GMDS: variants seen among roughly 807,000 people sequenced by gnomAD.
GMDS encodes the protein GDP-mannose 4,6-dehydratase, also known as GDP-mannose 4,6 dehydratase.
GMDS carries 20 observed loss-of-function variants against 49.9 expected under a neutral mutation model. That is an observed-to-expected ratio of 0.40 (90% CI 0.28 to 0.58). The LOEUF (loss-of-function observed/expected upper bound fraction) is 0.58. Ranked by LOEUF, GMDS falls within the 20% of genes least tolerant of loss-of-function variation. The probability of loss-of-function intolerance (pLI) is 0.42; values close to 1 mark genes in which losing one functional copy is unlikely to be tolerated. For synonymous variants in GMDS, 177 were observed against 178.6 expected, an observed-to-expected ratio of 0.99 and a Z score of 0.07; for missense variants, 362 against 481.4, an observed-to-expected ratio of 0.75 and a Z score of 2.32.
chr6:1,985,341 T>C (rs2127352936), intron 4 of GMDS, among the ~76,000 whole-genome samples: 1 of 152,106 alleles, frequency 6.6e-6, no homozygotes, highest in Non-Finnish European at 1.5e-5. Flanking sequence ...GGGATAAGAA[T>C]ACAAGAGGGG....
intron 9 of GMDS, among the ~76,000 whole-genome samples, chr6:1,701,459 C>G (rs115695572): frequency 1.3e-5 from 2 of 152,114 alleles, no homozygotes; most frequent in Non-Finnish European, 1.5e-5. Context: ...ACACATGACC[C>G]GCATCTACTC....
intron 9 of GMDS, among the ~76,000 whole-genome samples, chr6:1,678,413 A>G (rs1268143459): frequency 6.6e-6 from 1 of 152,070 alleles, no homozygotes; most frequent in African/African-American, 2.4e-5. Context: ...TCGATCTCTC[A>G]GATTTGAGCA....
intron 9 of GMDS, among the ~76,000 whole-genome samples, chr6:1,677,652 T>C (rs1303250836): frequency 2.6e-5 from 4 of 151,870 alleles, no homozygotes; most frequent in African/African-American, 9.7e-5. Context: ...TGCAGGGACA[T>C]GGATGAAGCT....
intron 8 of GMDS, among the ~76,000 whole-genome samples, chr6:1,740,228 G>A (rs1581531992): frequency 6.6e-6 from 1 of 152,290 alleles, no homozygotes; most frequent in East Asian, 1.9e-4. Context: ...AATGAGAGTG[G>A]CAGATATTAA....
intron 7 of GMDS, among the ~76,000 whole-genome samples, chr6:1,846,200 C>T (rs1057019091): frequency 6.6e-6 from 1 of 151,746 alleles, no homozygotes; most frequent in African/African-American, 2.4e-5. Context: ...TCAAGTGATC[C>T]TCCCACCACA....
At chr6:1,842,315 T>C (rs1757183995) in intron 7 of GMDS, among the ~76,000 whole-genome samples, 1 of 152,220 alleles carries the variant, frequency 6.6e-6, no homozygotes, top group African/African-American at 2.4e-5. Flanking sequence ...CTTGCCCTTA[T>C]GCATCAGGGA....
At chr6:1,953,649 T>C (rs533657045) in intron 6 of GMDS, among the ~76,000 whole-genome samples, 1 of 152,326 alleles carries the variant, frequency 6.6e-6, no homozygotes, top group Non-Finnish European at 1.5e-5. Flanking sequence ...TAGTTATTCT[T>C]CTTATTTACC....
intron 7 of GMDS, among the ~76,000 whole-genome samples, chr6:1,790,038 T>C (rs559837123): frequency 6.6e-6 from 1 of 152,232 alleles, no homozygotes; most frequent in African/African-American, 2.4e-5. Context: ...CCTAAATATA[T>C]GACATTGCAT....
At chr6:1,838,287 G>C (rs1360824975) in intron 7 of GMDS, among the ~76,000 whole-genome samples, 1 of 152,168 alleles carries the variant, frequency 6.6e-6, no homozygotes, top group Non-Finnish European at 1.5e-5. Context: ...AGAGCTCTTG[G>C]CTCCAGACTT....
At chr6:2,058,761 G>A (rs183724891) in intron 4 of GMDS, among the ~76,000 whole-genome samples, 1 of 152,310 alleles carries the variant, frequency 6.6e-6, no homozygotes, top group East Asian at 1.9e-4. Flanking sequence ...AGCGACGGCT[G>A]CGAAGGAGAT....
At chr6:1,671,680 T>C (rs1021124903) in intron 9 of GMDS, among the ~76,000 whole-genome samples, 1 of 151,242 alleles carries the variant, frequency 6.6e-6, no homozygotes, top group African/African-American at 2.4e-5. Context: ...TTTTTTTTTT[T>C]TTTGAGACGG....
intron 9 of GMDS, among the ~76,000 whole-genome samples, chr6:1,690,106 A>G (rs995940260): frequency 6.6e-6 from 1 of 152,182 alleles, no homozygotes; most frequent in South Asian, 2.1e-4. Context: ...CCTTGTCTCA[A>G]GAATAACAAT....
At chr6:1,749,703 C>A (rs1349647673) in intron 7 of GMDS, among the ~76,000 whole-genome samples, 1 of 152,238 alleles carries the variant, frequency 6.6e-6, no homozygotes, top group Non-Finnish European at 1.5e-5. Context: ...CTGCTTCTCT[C>A]TAATAGGTAA....
chr6:2,217,680 A>T (rs1780403460), intron 1 of GMDS, among the ~76,000 whole-genome samples: 1 of 152,186 alleles, frequency 6.6e-6, no homozygotes, highest in Admixed American at 6.5e-5. Flanking sequence ...CCTGGTATAT[A>T]TAAGCACTCA....
At chr6:1,870,987 G>A (rs2113802656) in intron 7 of GMDS, among the ~76,000 whole-genome samples, 1 of 151,998 alleles carries the variant, frequency 6.6e-6, no homozygotes, top group South Asian at 2.1e-4. Context: ...GGTTTGGGTG[G>A]CTTCCGCTAA....
At chr6:1,975,605 T>C (rs534205385) in intron 4 of GMDS, among the ~76,000 whole-genome samples, 2 of 152,188 alleles carry the variant, frequency 1.3e-5, no homozygotes, top group East Asian at 3.8e-4. Flanking sequence ...GAATACACTA[T>C]GAAAATCTCC....
At chr6:1,831,489 A>G (rs949424485) in intron 7 of GMDS, among the ~76,000 whole-genome samples, 4 of 152,224 alleles carry the variant, frequency 2.6e-5, no homozygotes, top group African/African-American at 7.2e-5. Context: ...AAGGGACTAA[A>G]GAAGAGCACT....
chr6:2,136,135 T>C (rs1689954546), intron 1 of GMDS, among the ~76,000 whole-genome samples: 1 of 152,222 alleles, frequency 6.6e-6, no homozygotes, highest in African/African-American at 2.4e-5. Flanking sequence ...ATATGGTATC[T>C]TATGGGACTA....
chr6:2,046,900 G>A (rs1770050821), intron 4 of GMDS, among the ~76,000 whole-genome samples: 1 of 152,188 alleles, frequency 6.6e-6, no homozygotes, highest in African/African-American at 2.4e-5. Context: ...AATATGGGCA[G>A]TGATTGGAAG....
Sources: gnomAD v4.1 joint callset for allele counts (sites outside exome capture counted in the v4.1 genomes callset) on GRCh38, gnomAD v4.1.1 for gene constraint, MANE v1.5 for transcripts, NCBI Gene and HGNC (gene_info 2026-07-23, HGNC 2026-07-21) for gene names.